Variants in ARSG observed in about 807,000 individuals in gnomAD.
The protein encoded by ARSG is arylsulfatase G.
A neutral mutation model predicts 50.5 loss-of-function variants in ARSG; 37 were observed. That is an observed-to-expected ratio of 0.73 (90% confidence interval 0.56 to 0.96). The LOEUF (loss-of-function observed/expected upper bound fraction) is 0.96, where lower values mean the gene tolerates loss of function less well. ARSG is among the 50% of genes least tolerant of loss of function. ARSG has a pLI of 0.00. For synonymous variants in ARSG, 225 were observed against 254.6 expected (o/e 0.88, Z 1.11); for missense variants, 629 against 675.3 (o/e 0.93, Z 0.76).
At chr17:68,318,497 G>C (rs2145804198) in intron 2 of ARSG, among the ~76,000 whole-genome samples, 1 of 152,360 alleles carries the variant, frequency 6.6e-6, no homozygotes, top group South Asian at 2.1e-4. Flanking sequence ...GGGCAGTAAT[G>C]ACTCACAGGT....
At chr17:68,344,094 T>C (rs978477944) in intron 3 of ARSG, among the ~76,000 whole-genome samples, 2 of 152,254 alleles carry the variant, frequency 1.3e-5, no homozygotes, top group Admixed American at 6.5e-5. Flanking sequence ...CCTTAGCATG[T>C]TGGTGTTTGG....
chr17:68,426,254 G>GCCCCCCCC, downstream of ARSG: 3 of 816,854 alleles, frequency 3.7e-6, no homozygotes, highest in Non-Finnish European at 5.8e-6. Flanking sequence ...GGGAGCGGGG[G>GCCCCCCCC]CTCAAATAAA....
In ARSG at chr17:68,378,356, G is replaced by A. The variant is rs529775215; in HGVS notation, c.983-6708G>A. Among the ~76,000 whole-genome samples the A allele has an allele frequency of 6.6e-6, 1 of 152,314 alleles. No homozygotes were observed. The highest frequency in any genetic ancestry group is 2.1e-4 in the South Asian group (1 of 4,830). The stretch of plus-strand genomic sequence containing the variant: ...CACGTGCTGTCTTCCCCTGTTCTCA[G>A]GGCCCCCAGGCCCCCCTGCTTGTCT... On this transcript the variant is annotated intron_variant, in intron 8 of 11. Transcript: ENST00000621439. The surrounding 1 kb of genome is among the most constrained non-coding windows in gnomAD (Gnocchi z 4.4).
the ARSG span, among the ~76,000 whole-genome samples, chr17:68,441,399 C>G: frequency 6.6e-6 from 1 of 152,222 alleles, no homozygotes; most frequent in East Asian, 1.9e-4. Context: ...GATTTGTGTG[C>G]TGAAGACAAT....
intron 6 of ARSG, among the ~76,000 whole-genome samples, chr17:68,366,067 A>C (rs767042883): frequency 2.0e-5 from 3 of 151,908 alleles, no homozygotes; most frequent in Non-Finnish European, 2.9e-5. Context: ...CCTCCCGAGT[A>C]GCTGGGATTA....
chr17:68,306,511 C>T (rs114973632), intron 1 of ARSG, among the ~76,000 whole-genome samples: 53 of 152,324 alleles, frequency 3.5e-4, no homozygotes, highest in African/African-American at 1.3e-3. Flanking sequence ...GGCAACGTAG[C>T]AGGACCCTAT....
At chr17:68,341,568 C>T (rs2078269996) in intron 2 of ARSG, among the ~76,000 whole-genome samples, 1 of 152,190 alleles carries the variant, frequency 6.6e-6, no homozygotes. Context: ...GACCGTCATC[C>T]AGTTCTTTCT....
chr17:68,294,298 T>C (rs2076128308), intron 1 of ARSG, among the ~76,000 whole-genome samples: 1 of 152,218 alleles, frequency 6.6e-6, no homozygotes, highest in Admixed American at 6.5e-5. Context: ...TTAGCCCTCT[T>C]GCATAGGGTC....
chr17:68,297,369 G>T (rs200203943), intron 1 of ARSG, among the ~76,000 whole-genome samples: 46 of 152,346 alleles, frequency 3.0e-4, no homozygotes, highest in African/African-American at 1.1e-3. Context: ...AGCCAAGATG[G>T]CACAGATAGT....
At chr17:68,410,952 G>A (rs1343574553) in intron 11 of ARSG, among the ~76,000 whole-genome samples, 3 of 152,292 alleles carry the variant, frequency 2.0e-5, no homozygotes, top group South Asian at 4.1e-4. Context: ...TTGTATTTCT[G>A]TGGGATCAGT....
At chr17:68,333,511 C>T (rs1021910934) in intron 2 of ARSG, among the ~76,000 whole-genome samples, 4 of 151,842 alleles carry the variant, frequency 2.6e-5, no homozygotes, top group Non-Finnish European at 5.9e-5. Context: ...GCCTGTAATC[C>T]CAGCTACTTG....
intron 1 of ARSG, among the ~76,000 whole-genome samples, chr17:68,282,394 C>T (rs1555753098): frequency 6.6e-6 from 1 of 151,820 alleles, no homozygotes; most frequent in Non-Finnish European, 1.5e-5. Context: ...GGAGATATAC[C>T]TAATGTTAAA....
chr17:68,447,984 C>CAAAAAAAAAAAAAAAAAAAAAAAAAA, the ARSG span, among the ~76,000 whole-genome samples: 1 of 80,284 alleles, frequency 1.2e-5, no homozygotes, highest in Non-Finnish European at 2.5e-5. Context: ...GACTCTATCT[C>CAAAAAAAAAAAAAAAAAAAAAAAAAA]AAAAAAAAAA....
the ARSG span, chr17:68,450,839 T>C: frequency 1.2e-6 from 2 of 1,614,206 alleles, no homozygotes; most frequent in East Asian, 2.2e-5. Context: ...TGTGACTGAC[T>C]ACCACCACCA....
At chr17:68,311,824 G>A (rs552922652) in intron 2 of ARSG, among the ~76,000 whole-genome samples, 5 of 127,270 alleles carry the variant, frequency 3.9e-5, no homozygotes, top group South Asian at 2.4e-4. Flanking sequence ...TTTTTTTGAC[G>A]GAGTCTTGCT....
intron 1 of ARSG, among the ~76,000 whole-genome samples, chr17:68,275,709 C>T (rs1448077558): frequency 3.9e-5 from 6 of 152,028 alleles, no homozygotes; most frequent in East Asian, 3.9e-4. Context: ...TGGCTGGGTG[C>T]GGTGGCTTAC....
At chr17:68,451,971 G>A in the ARSG span, among the ~76,000 whole-genome samples, 2 of 152,126 alleles carry the variant, frequency 1.3e-5, no homozygotes, top group African/African-American at 4.8e-5. Flanking sequence ...CACAAAAATG[G>A]TGTAATAACA....
intron 11 of ARSG, among the ~76,000 whole-genome samples, chr17:68,403,757 G>T (rs899846191): frequency 6.6e-6 from 1 of 152,002 alleles, no homozygotes; most frequent in African/African-American, 2.4e-5. Context: ...TGTGCACAAC[G>T]TGCAGGTTTG....
intron 11 of ARSG, among the ~76,000 whole-genome samples, chr17:68,419,299 G>A (rs556090936): frequency 5.3e-5 from 8 of 152,184 alleles, no homozygotes; most frequent in Non-Finnish European, 1.0e-4. Flanking sequence ...GGTGGCTCAC[G>A]CCTGTAATCC....
Sources: allele counts gnomAD v4.1 joint callset (sites outside exome capture counted in the v4.1 genomes callset), GRCh38; gene constraint gnomAD v4.1.1; non-coding constraint Gnocchi (gnomAD v3.1); transcripts MANE v1.5; gene names NCBI Gene and HGNC (gene_info 2026-07-23, HGNC 2026-07-21).